The following SAMMSON variants were observed in gnomAD, a reference collection of about 807,000 sequenced individuals.
SAMMSON encodes survival associated mitochondrial melanoma specific oncogenic non-coding RNA, also known as long intergenic non-protein coding RNA 1212.
At chr3:70,366,434 C>T (rs1306512353) in intron 9 of SAMMSON, among the ~76,000 whole-genome samples, 3 of 148,072 alleles carry the variant, frequency 2.0e-5, no homozygotes, top group Non-Finnish European at 3.0e-5. Context: ...AACTTATTAA[C>T]GTATATTGGT....
chr3:70,017,231 A>C (rs973253962), intron 3 of SAMMSON, among the ~76,000 whole-genome samples: 150 of 152,166 alleles, frequency 9.9e-4, no homozygotes, highest in African/African-American at 1.7e-3. Context: ...ATGGAATGTT[A>C]TTCCATTTGT....
intron 7 of SAMMSON, among the ~76,000 whole-genome samples, chr3:70,316,722 G>C (rs1702496963): frequency 6.6e-6 from 1 of 152,002 alleles, no homozygotes; most frequent in Non-Finnish European, 1.5e-5. Flanking sequence ...TTGTAACATA[G>C]GTTCTCCCAG....
chr3:70,204,203 C>T (rs1701268665), intron 4 of SAMMSON, among the ~76,000 whole-genome samples: 1 of 152,130 alleles, frequency 6.6e-6, no homozygotes, highest in South Asian at 2.1e-4. Flanking sequence ...AATAAATTAG[C>T]CACAAACTAC....
chr3:70,258,111 T>C (rs890164933), intron 6 of SAMMSON, among the ~76,000 whole-genome samples: 1 of 152,154 alleles, frequency 6.6e-6, no homozygotes, highest in African/African-American at 2.4e-5. Flanking sequence ...CAACTTTCAT[T>C]TCACATCATA....
At chr3:70,406,732 G>C (rs1448723772) in intron 2 of SAMMSON, among the ~76,000 whole-genome samples, 1 of 152,094 alleles carries the variant, frequency 6.6e-6, no homozygotes, top group East Asian at 1.9e-4. Context: ...AAAGCTAATG[G>C]GCTGATGGAG....
In SAMMSON at chr3:70,201,702, T is replaced by A. The variant is rs528648109; in HGVS notation, n.508-47405T>A. ...GGAATCCAACCTGCCTTCCATAATA[T>A]GCTCCCAGTTTCCTTCTGACACACT... On this transcript the variant is annotated intron_variant and non_coding_transcript_variant, in intron 4 of 9. Coordinates refer to ENST00000642114, the Ensembl canonical transcript of SAMMSON. 1.2e-4 allele frequency among the ~76,000 whole-genome samples: 19 copies of A among 152,318 alleles called. 1 individual carries two copies. The South Asian group carries it at 3.7e-3, about 30-fold the overall frequency.
At chr3:70,310,485 C>T (rs1702444301) in intron 7 of SAMMSON, among the ~76,000 whole-genome samples, 1 of 152,070 alleles carries the variant, frequency 6.6e-6, no homozygotes, top group South Asian at 2.1e-4. Context: ...CCTGCCTCAG[C>T]CTCCTGAGTA....
At chr3:70,062,207 C>T (rs1559783409) in intron 3 of SAMMSON, among the ~76,000 whole-genome samples, 1 of 151,992 alleles carries the variant, frequency 6.6e-6, no homozygotes, top group Non-Finnish European at 1.5e-5. Flanking sequence ...ATAATAATAT[C>T]GGCATGTTAA....
chr3:70,084,323 T>C (rs1457135519), intron 4 of SAMMSON, among the ~76,000 whole-genome samples: 1 of 152,172 alleles, frequency 6.6e-6, no homozygotes, highest in Non-Finnish European at 1.5e-5. Context: ...CAAGAATGGA[T>C]TTGAAACAGA....
chr3:70,276,644 G>A (rs9863818), intron 6 of SAMMSON, among the ~76,000 whole-genome samples: 93,659 of 151,700 alleles, frequency 0.62, 30,501 homozygotes, highest in Non-Finnish European at 0.74. Flanking sequence ...GGTAGAGGTC[G>A]ATAAACTGTG....
chr3:70,247,460 A>G (rs1488391972), intron 4 of SAMMSON, among the ~76,000 whole-genome samples: 1 of 151,802 alleles, frequency 6.6e-6, no homozygotes, highest in African/African-American at 2.4e-5. Context: ...TGTATTCTTT[A>G]TCATATAATA....
intron 4 of SAMMSON, chr3:70,127,849 C>T (rs9849979): frequency 0.28 from 42,041 of 151,970 alleles, 6,142 homozygotes; most frequent in East Asian, 0.51. Flanking sequence ...ACCATGTTGG[C>T]CAGGCTGGTC....
At chr3:70,114,175 C>T (rs1268451431) in intron 4 of SAMMSON, among the ~76,000 whole-genome samples, 1 of 152,140 alleles carries the variant, frequency 6.6e-6, no homozygotes, top group Non-Finnish European at 1.5e-5. Flanking sequence ...CTTGAGTAGC[C>T]TCTGATTCAC....
At chr3:70,041,426 G>A (rs2067105891) in intron 3 of SAMMSON, among the ~76,000 whole-genome samples, 1 of 152,096 alleles carries the variant, frequency 6.6e-6, no homozygotes, top group African/African-American at 2.4e-5. Context: ...AAGGGAAATT[G>A]AGGCCTGTAA....
At chr3:70,240,025 T>C (rs925822154) in intron 4 of SAMMSON, among the ~76,000 whole-genome samples, 12 of 152,064 alleles carry the variant, frequency 7.9e-5, no homozygotes, top group Admixed American at 6.6e-4. Flanking sequence ...GAAGTAAAAA[T>C]AGGTTAATGA....
chr3:70,176,369 G>A (rs561208576), intron 4 of SAMMSON, among the ~76,000 whole-genome samples: 2 of 152,288 alleles, frequency 1.3e-5, no homozygotes, highest in South Asian at 2.1e-4. Context: ...AAGGAAAGCA[G>A]AAGAAGCTTC....
intron 5 of SAMMSON, chr3:70,249,198 T>C (rs1290840289): frequency 1.3e-5 from 2 of 152,172 alleles, no homozygotes; most frequent in Admixed American, 6.6e-5. Flanking sequence ...GATCTAGAGG[T>C]ATGAAGTGAA....
chr3:70,034,919 G>T (rs2067079833), intron 3 of SAMMSON, among the ~76,000 whole-genome samples: 1 of 152,136 alleles, frequency 6.6e-6, no homozygotes. Context: ...TCTTAGGTTA[G>T]AATTGTTCTA....
chr3:70,398,005 G>A (rs1396482804), intron 2 of SAMMSON, among the ~76,000 whole-genome samples: 2 of 151,934 alleles, frequency 1.3e-5, no homozygotes, highest in East Asian at 3.9e-4. Context: ...TTTTCTCACT[G>A]AATCATCTTG....
Sources: allele counts gnomAD v4.1 joint callset (sites outside exome capture counted in the v4.1 genomes callset), GRCh38; gene constraint gnomAD v4.1.1; transcripts MANE v1.5; gene names NCBI Gene and HGNC (gene_info 2026-07-23, HGNC 2026-07-21).